Variants in EPHA5 observed in about 807,000 individuals in gnomAD.
The protein encoded by EPHA5 is EPH receptor A5, also known as ephrin type-A receptor 5.
In EPHA5, 60 loss-of-function variants were observed where a neutral mutation model predicts 105.0. The ratio of observed to expected loss-of-function variants is 0.57; its 90% CI spans 0.46 to 0.71. EPHA5 has a LOEUF of 0.71. Ranked by LOEUF, EPHA5 falls within the 30% of genes least tolerant of loss-of-function variation. EPHA5 has a pLI of 0.00. For missense variants in EPHA5, 1,218 were observed against 1,274.7 expected (o/e 0.96, Z 0.68); for synonymous variants, 513 against 449.1 (o/e 1.14, Z -1.80).
At chr4:65,611,880 C>T (rs868594365) in intron 2 of EPHA5, among the ~76,000 whole-genome samples, 85 of 151,664 alleles carry the variant, frequency 5.6e-4, no homozygotes, top group Middle Eastern at 3.4e-3. Context: ...CAGCCACTTG[C>T]CAAAGCAGTA....
At chr4:65,480,235 AG>A (rs1357065173) in intron 5 of EPHA5, among the ~76,000 whole-genome samples, 1 of 152,204 alleles carries the variant, frequency 6.6e-6, no homozygotes, top group South Asian at 2.1e-4. Flanking sequence ...AATAAATTAT[AG>A]GTAGAAATTT....
At position 65,414,453 on chromosome 4, in the gene EPHA5, C is replaced by A. The variant is rs2305351; in HGVS notation, c.1528-10G>T. 3 of 1,612,964 alleles carry A rather than the reference C, an allele frequency of 1.9e-6. No individual in the cohort carries two copies. Among genetic ancestry groups the A allele is most frequent in the African/African-American group, 1.3e-5 (1 of 74,868 alleles). On this transcript the variant is annotated splice_polypyrimidine_tract_variant and intron_variant, in intron 6 of 16. Coordinates refer to ENST00000613740, the MANE Select transcript of EPHA5 (RefSeq NM_001281766.3). ...AGCTGGTCTCTTGGTCCTTGGGATG[C>A]GCATGCATATACAATAAAAAAGACA...
intron 16 of EPHA5, among the ~76,000 whole-genome samples, chr4:65,327,559 T>G (rs574565489): frequency 6.6e-6 from 1 of 151,352 alleles, no homozygotes; most frequent in African/African-American, 2.4e-5. Context: ...TCAAAAACTG[T>G]CAAATTAAGG....
chr4:65,563,782 A>T (rs1027983960), intron 3 of EPHA5, among the ~76,000 whole-genome samples: 1 of 152,014 alleles, frequency 6.6e-6, no homozygotes, highest in African/African-American at 2.4e-5. Context: ...TATTTTTCAC[A>T]TTTCTGTCCT....
rs868116045 is a variant in EPHA5 at position 65,419,086 on chromosome 4, C to A, written c.1527+1355G>T. Among the ~76,000 whole-genome samples the A allele has an allele frequency of 6.6e-5, 10 of 151,554 alleles. No individual in the cohort carries two copies. The East Asian group carries it at 1.4e-3, about 21-fold the overall frequency. On this transcript the variant is annotated intron_variant, in intron 6 of 16. Transcript: ENST00000613740. Reference sequence around the variant, plus strand: ...TTTTAGTATAGACAGGGTTTCACTACGTTGGGCAGGCTGGTCTCGAACTAC... The same window carrying A: ...TTTTAGTATAGACAGGGTTTCACTAAGTTGGGCAGGCTGGTCTCGAACTAC...
At chr4:65,409,955 C>T (rs1322010302) in intron 7 of EPHA5, among the ~76,000 whole-genome samples, 1 of 152,082 alleles carries the variant, frequency 6.6e-6, no homozygotes, top group Non-Finnish European at 1.5e-5. Context: ...TCATCCATTG[C>T]TGGTGGAAAC....
At chr4:65,465,465 GA>G (rs59523171) in intron 5 of EPHA5, among the ~76,000 whole-genome samples, 24,163 of 44,484 alleles carry the variant, frequency 0.54, 7,138 homozygotes, top group Non-Finnish European at 0.63. Context: ...AGAAAAGAAA[GA>G]AAAAGAAAGA....
chr4:65,482,910 T>C (rs945965051), intron 5 of EPHA5, among the ~76,000 whole-genome samples: 1 of 151,830 alleles, frequency 6.6e-6, no homozygotes, highest in African/African-American at 2.4e-5. Context: ...GTGCACAACG[T>C]GCAGGTTTGT....
intron 3 of EPHA5, among the ~76,000 whole-genome samples, chr4:65,552,554 A>T (rs1738021489): frequency 6.6e-6 from 1 of 152,156 alleles, no homozygotes; most frequent in African/African-American, 2.4e-5. Context: ...AAGAAGTGGG[A>T]GGTGAGATGT....
intron 5 of EPHA5, among the ~76,000 whole-genome samples, chr4:65,470,023 A>C (rs1179789576): frequency 6.6e-6 from 1 of 152,114 alleles, no homozygotes; most frequent in African/African-American, 2.4e-5. Context: ...ATTAAACCAG[A>C]GTCTAGTTGA....
chr4:65,346,326 T>C (rs909631550), intron 14 of EPHA5, among the ~76,000 whole-genome samples: 2 of 152,114 alleles, frequency 1.3e-5, no homozygotes, highest in Non-Finnish European at 2.9e-5. Flanking sequence ...CTTTTTGTTG[T>C]GCATTTTTCA....
At position 65,519,985 on chromosome 4, in the gene EPHA5, T is replaced by C. The variant is rs573417241; in HGVS notation, c.911-24442A>G. On this transcript the variant is annotated intron_variant, in intron 3 of 16. Transcript: ENST00000613740. ...ATTTATAGATTTAATGCCATCCCCA[T>C]CAAGCTACCAATGACTTTCTTCACA... 2.1e-3 allele frequency among the ~76,000 whole-genome samples: 319 copies of C among 152,276 alleles called. 1 individual carries two copies. The highest frequency in any genetic ancestry group is 7.0e-3 in the African/African-American group (292 of 41,558).
At chr4:65,389,074 A>T (rs917853694) in intron 8 of EPHA5, among the ~76,000 whole-genome samples, 1 of 152,026 alleles carries the variant, frequency 6.6e-6, no homozygotes, top group African/African-American at 2.4e-5. Context: ...GAAATTAATA[A>T]TTTAAGTGGC....
intron 2 of EPHA5, among the ~76,000 whole-genome samples, chr4:65,608,634 TC>T (rs879800347): frequency 6.6e-6 from 1 of 152,206 alleles, no homozygotes; most frequent in Non-Finnish European, 1.5e-5. Flanking sequence ...GCAAACTTCA[TC>T]TTGGGTTATA....
chr4:65,518,340 C>T lies in EPHA5; in HGVS notation c.911-22797G>A, dbSNP rs1391168450. 2.0e-5 allele frequency among the ~76,000 whole-genome samples: 3 copies of T among 151,572 alleles called. No homozygotes were observed. The Admixed American group carries it at 2.0e-4, about 10-fold the overall frequency. On this transcript the variant is annotated intron_variant, in intron 3 of 16. Coordinates refer to ENST00000613740, the MANE Select transcript of EPHA5 (RefSeq NM_001281766.3). The stretch of plus-strand genomic sequence containing the variant: ...ATCTTATAATGTGTAAATTAGAGCC[C>T]CCAAATCACAAATGTATTAGCTTTT...
intron 5 of EPHA5, among the ~76,000 whole-genome samples, chr4:65,450,210 A>C (rs185333386): frequency 6.6e-6 from 1 of 152,192 alleles, no homozygotes; most frequent in African/African-American, 2.4e-5. Context: ...AGAGATTGTG[A>C]GAGAGAAGAA....
chr4:65,470,206 T>G (rs112257224), intron 5 of EPHA5, among the ~76,000 whole-genome samples: 24,916 of 150,508 alleles, frequency 0.17, 2,210 homozygotes, highest in African/African-American at 0.23. Flanking sequence ...TTTTTTTTTT[T>G]TCTTGAGACA....
intron 8 of EPHA5, among the ~76,000 whole-genome samples, chr4:65,386,530 A>T (rs181050187): frequency 6.6e-6 from 1 of 152,044 alleles, no homozygotes; most frequent in African/African-American, 2.4e-5. Flanking sequence ...AAGATACAAA[A>T]CATGCACACA....
At chr4:65,586,470 A>T (rs955724557) in intron 3 of EPHA5, among the ~76,000 whole-genome samples, 1 of 151,542 alleles carries the variant, frequency 6.6e-6, no homozygotes, top group Non-Finnish European at 1.5e-5. Flanking sequence ...TTTGATTTTG[A>T]TTTTTCAAAA....
Sources: gnomAD v4.1 joint callset for allele counts (sites outside exome capture counted in the v4.1 genomes callset) on GRCh38, gnomAD v4.1.1 for gene constraint, MANE v1.5 for transcripts, NCBI Gene and HGNC (gene_info 2026-07-23, HGNC 2026-07-21) for gene names.